Variants in SDCCAG8 observed in about 807,000 individuals in gnomAD.
SDCCAG8 encodes SHH signaling and ciliogenesis regulator SDCCAG8, also known as serologically defined colon cancer antigen 8.
A neutral mutation model predicts 101.8 loss-of-function variants in SDCCAG8; 74 were observed. That is an observed-to-expected ratio of 0.73 (90% CI 0.60 to 0.88). The LOEUF is 0.88. SDCCAG8 is among the 40% of genes least tolerant of loss of function. The probability of loss-of-function intolerance (pLI) is 0.00; values close to 1 mark genes in which losing one functional copy is unlikely to be tolerated. For synonymous variants in SDCCAG8, 281 were observed against 292.9 expected (o/e 0.96, Z 0.41); for missense variants, 787 against 822.6 (o/e 0.96, Z 0.53).
rs1558186140 is a variant in SDCCAG8 at position 243,256,197 on chromosome 1, T to A, written c.24T>A (p.Ser8=). ...GCATGGCGAAGTCCCCGGAGAACTC[T>A]ACCCTGGAGGAGATTCTGGGGCAGT... MAKSPEN[S]TLEEILGQYQ... Residue 8 remains serine (S), a synonymous_variant, in exon 1 of 18, where the codon TCT becomes TCA. Transcript: ENST00000366541. The A allele has an allele frequency of 6.2e-7, 1 of 1,614,196 alleles. No homozygotes were observed. The highest frequency in any genetic ancestry group is 8.5e-7 in the Non-Finnish European group (1 of 1,180,010).
chr1:243,478,629 G>A (rs991468467), intron 16 of SDCCAG8, among the ~76,000 whole-genome samples: 4 of 152,088 alleles, frequency 2.6e-5, no homozygotes, highest in Admixed American at 2.6e-4. Flanking sequence ...AACCATTATT[G>A]AATAGGGTAG....
intron 5 of SDCCAG8, among the ~76,000 whole-genome samples, chr1:243,292,645 A>G (rs1365332571): frequency 2.0e-5 from 3 of 152,210 alleles, no homozygotes; most frequent in Non-Finnish European, 4.4e-5. Context: ...TATCTATCCC[A>G]TAGAACTGTA....
intron 13 of SDCCAG8, among the ~76,000 whole-genome samples, chr1:243,397,795 C>A (rs2147962297): frequency 6.6e-6 from 1 of 152,334 alleles, no homozygotes. Flanking sequence ...ACCTGCAAAC[C>A]CAAGTACAAT....
At chr1:243,462,194 C>T (rs549999009) in intron 16 of SDCCAG8, among the ~76,000 whole-genome samples, 11 of 152,318 alleles carry the variant, frequency 7.2e-5, no homozygotes, top group Non-Finnish European at 1.5e-4. Context: ...TTCTGCCCTT[C>T]CCCATTTGCC....
At chr1:243,266,535 G>A (rs1288659464) in intron 1 of SDCCAG8, among the ~76,000 whole-genome samples, 2 of 151,712 alleles carry the variant, frequency 1.3e-5, no homozygotes, top group Admixed American at 1.3e-4. Flanking sequence ...GTTCAGGCTG[G>A]TCTTGAACTC....
intron 13 of SDCCAG8, among the ~76,000 whole-genome samples, chr1:243,411,350 C>T (rs2080162683): frequency 6.6e-6 from 1 of 151,990 alleles, no homozygotes; most frequent in Admixed American, 6.6e-5. Flanking sequence ...CTCCTGGGCT[C>T]AAGTGATCTA....
intron 7 of SDCCAG8, chr1:243,307,437 A>G (rs1482495143): frequency 7.1e-6 from 7 of 981,354 alleles, no homozygotes; most frequent in East Asian, 1.1e-4. Flanking sequence ...TTAGATAATT[A>G]TCTATCTAAC....
At chr1:243,294,875 A>G (rs1423944279) in intron 6 of SDCCAG8, among the ~76,000 whole-genome samples, 22 of 152,186 alleles carry the variant, frequency 1.4e-4, no homozygotes, top group Admixed American at 1.4e-3. Flanking sequence ...GTTGATCAAC[A>G]ATGATGAAAG....
At chr1:243,403,858 A>G (rs1558419994) in intron 13 of SDCCAG8, among the ~76,000 whole-genome samples, 1 of 152,202 alleles carries the variant, frequency 6.6e-6, no homozygotes, top group Non-Finnish European at 1.5e-5. Context: ...TTACAGTGTA[A>G]TAATAATAGA....
chr1:243,308,342 A>G (rs554787772), intron 8 of SDCCAG8, among the ~76,000 whole-genome samples, 165 bp downstream of exon 8: 1 of 152,372 alleles, frequency 6.6e-6, no homozygotes, highest in East Asian at 1.9e-4. Context: ...CCTTGAAGAC[A>G]AATGGGTGGG....
Position 243,307,976 on chromosome 1 carries a change from AC to A in SDCCAG8, c.741-10del. The A allele has an allele frequency of 1.2e-6, 2 of 1,613,094 alleles. No individual in the cohort carries two copies. Among genetic ancestry groups the A allele is most frequent in the Non-Finnish European group, 1.7e-6 (2 of 1,179,894 alleles). Reference sequence around the variant, plus strand: ...CCTGGCCATTTTCTAGAATTTTTTCACCCTCTTTTTAGGAACGACTTAGCTG... The same window carrying A: ...CCTGGCCATTTTCTAGAATTTTTTCACCTCTTTTTAGGAACGACTTAGCTG... On this transcript the variant is annotated splice_polypyrimidine_tract_variant and intron_variant, in intron 7 of 17. Coordinates refer to ENST00000366541, the MANE Select transcript of SDCCAG8 (RefSeq NM_006642.5).
intron 4 of SDCCAG8, among the ~76,000 whole-genome samples, chr1:243,283,083 C>A (rs2069211831): frequency 6.6e-6 from 1 of 152,046 alleles, no homozygotes; most frequent in African/African-American, 2.4e-5. Context: ...CTGACCCTCA[C>A]ATGATCCGCC....
intron 4 of SDCCAG8, among the ~76,000 whole-genome samples, chr1:243,280,739 C>G (rs2068959297): frequency 6.6e-6 from 1 of 152,096 alleles, no homozygotes; most frequent in African/African-American, 2.4e-5. Context: ...TCCCAGCTAT[C>G]GTTCTGTTAT....
chr1:243,437,699 G>A lies in SDCCAG8; in HGVS notation c.1985+11141G>A, dbSNP rs575312791. On this transcript the variant is annotated intron_variant, in intron 16 of 17. Transcript: ENST00000366541. ...CTACAGGCACCCGCCACCAGGCCTG[G>A]CTAATTTTTTTTGTATTTTTAGTAG... is the stretch of plus-strand genomic sequence containing the variant. Among the ~76,000 whole-genome samples the A allele has an allele frequency of 7.4e-4, 113 of 152,084 alleles. 1 individual carries two copies. Among genetic ancestry groups the A allele is most frequent in the African/African-American group, 2.7e-3 (112 of 41,494 alleles).
At chr1:243,426,791 T>C (rs2081372306) in intron 16 of SDCCAG8, among the ~76,000 whole-genome samples, 1 of 152,186 alleles carries the variant, frequency 6.6e-6, no homozygotes, top group African/African-American at 2.4e-5. Flanking sequence ...GACATAGAAT[T>C]AGATTTAACA....
intron 13 of SDCCAG8, among the ~76,000 whole-genome samples, chr1:243,395,808 G>A (rs530153765): frequency 3.3e-5 from 5 of 151,744 alleles, no homozygotes; most frequent in African/African-American, 7.2e-5. Context: ...TAAATTCCAC[G>A]TTTTCTCCAC....
At chr1:243,357,210 T>C (rs988195914) in intron 12 of SDCCAG8, among the ~76,000 whole-genome samples, 45 of 151,868 alleles carry the variant, frequency 3.0e-4, no homozygotes, top group African/African-American at 1.0e-3. Context: ...AAATCCCATC[T>C]CTACTAAAAA....
intron 16 of SDCCAG8, among the ~76,000 whole-genome samples, chr1:243,445,891 A>G (rs1426013544): frequency 6.6e-6 from 1 of 152,202 alleles, no homozygotes; most frequent in African/African-American, 2.4e-5. Flanking sequence ...TAGAATCAGC[A>G]ACTCTTTTTT....
At chr1:243,334,514 A>T (rs776025508) in intron 10 of SDCCAG8, among the ~76,000 whole-genome samples, 5 of 152,052 alleles carry the variant, frequency 3.3e-5, no homozygotes, top group African/African-American at 4.8e-5. Flanking sequence ...CCAGTGCAGG[A>T]TATTGCATGT....
Sources: allele counts gnomAD v4.1 joint callset (sites outside exome capture counted in the v4.1 genomes callset), GRCh38; gene constraint gnomAD v4.1.1; transcripts MANE v1.5; gene names NCBI Gene and HGNC (gene_info 2026-07-23, HGNC 2026-07-21).